The following EIF4B variants were observed in gnomAD, a reference collection of about 807,000 sequenced individuals.
EIF4B encodes eukaryotic translation initiation factor 4B.
In EIF4B, 8 loss-of-function variants were observed where a neutral mutation model predicts 79.3. The observed-to-expected ratio is 0.10, with a 90% confidence interval of 0.06 to 0.18. The LOEUF (loss-of-function observed/expected upper bound fraction) is 0.18. EIF4B is among the 10% of genes least tolerant of loss of function. The pLI is 1.00. For missense variants in EIF4B, 515 were observed against 792.4 expected (o/e 0.65, Z 4.20); for synonymous variants, 238 against 274.7 (o/e 0.87, Z 1.32).
chr12:53,007,604 A>G (rs1942990852), intron 1 of EIF4B, among the ~76,000 whole-genome samples: 1 of 152,098 alleles, frequency 6.6e-6, no homozygotes, highest in Admixed American at 6.6e-5. Flanking sequence ...ATGACCCAAC[A>G]TCTTGTAGCA....
intron 11 of EIF4B, 124 bp from the exon 12 acceptor site, chr12:53,038,232 C>T (rs1943570734): frequency 1.4e-6 from 1 of 731,510 alleles, no homozygotes; most frequent in Non-Finnish European, 2.1e-6. Flanking sequence ...TTTAATGTTC[C>T]ATAACATTGA....
At chr12:53,039,782 A>C in intron 14 of EIF4B, 80 bp downstream of exon 14, 1 of 1,473,996 alleles carries the variant, frequency 6.8e-7, no homozygotes, top group Non-Finnish European at 9.1e-7. Flanking sequence ...AAGAATTAAA[A>C]ATTCTTAGTA....
intron 11 of EIF4B, 43 bp from the exon 12 acceptor site, chr12:53,038,313 C>A (rs1359490692): frequency 6.5e-7 from 1 of 1,536,072 alleles, no homozygotes; most frequent in Non-Finnish European, 8.8e-7. Flanking sequence ...GTTGTTTTCT[C>A]CCTGAAACAA....
intron 8 of EIF4B, among the ~76,000 whole-genome samples, chr12:53,030,067 C>T (rs200062924): frequency 0.073 from 810 of 11,104 alleles, 12 homozygotes; most frequent in Admixed American, 0.13. Context: ...GCAAAAAATA[C>T]AAAAGTTAGC....
At chr12:53,007,444 T>TA (rs1565752908) in intron 1 of EIF4B, among the ~76,000 whole-genome samples, 1 of 112,986 alleles carries the variant, frequency 8.9e-6, no homozygotes, top group Non-Finnish European at 2.2e-5. Flanking sequence ...TTTTTTTTTT[T>TA]TTTTAAGGTA....
chr12:53,031,864 T>C (rs1453216059), intron 8 of EIF4B, among the ~76,000 whole-genome samples: 1 of 152,232 alleles, frequency 6.6e-6, no homozygotes, highest in Non-Finnish European at 1.5e-5. Flanking sequence ...CAGGAGGTTT[T>C]ACCTCTTTGT....
intron 1 of EIF4B, among the ~76,000 whole-genome samples, chr12:53,010,590 A>G (rs577749042): frequency 2.6e-5 from 4 of 152,166 alleles, no homozygotes; most frequent in African/African-American, 9.6e-5. Context: ...TGTTTATGCA[A>G]TGTTGTTGGT....
intron 11 of EIF4B, 131 bp from the exon 12 acceptor site, chr12:53,038,225 A>T: frequency 1.5e-6 from 1 of 679,854 alleles, no homozygotes; most frequent in Non-Finnish European, 2.3e-6. Context: ...CCCATATTTT[A>T]ATGTTCCATA....
chr12:53,028,611 G>A (rs966787665), intron 8 of EIF4B, among the ~76,000 whole-genome samples: 10 of 150,968 alleles, frequency 6.6e-5, no homozygotes, highest in Admixed American at 1.3e-4. Flanking sequence ...CACAGCAGTC[G>A]AATTGTTTTC....
rs1307268749 is a variant in EIF4B at position 53,038,376 on chromosome 12, C to A, written c.1541C>A (p.Pro514Gln). The stretch of plus-strand genomic sequence containing the variant: ...TCTAGTGGTGGGGGAAAAGTAGCTC[C>A]AGCTCAACCATCTGAGGAAGGACCA... ...SPTSGGGKVA[P>Q]AQPSEEGPGR... is the part of the protein sequence containing the mutation. The change falls in exon 12 of 15, where the codon CCA becomes CAA. Residue 514 changes from proline (P) to glutamine (Q), a missense_variant. By Grantham distance (76) the Pro-to-Gln change is moderately conservative (BLOSUM62 -1). Transcript: ENST00000262056. 19 of 1,600,444 alleles carry A rather than the reference C, an allele frequency of 1.2e-5. No individual in the cohort carries two copies. The highest frequency in any genetic ancestry group is 1.5e-5 in the Non-Finnish European group (18 of 1,173,018).
At chr12:53,020,090 A>G in intron 4 of EIF4B, 64 bp downstream of exon 4, 3 of 1,390,586 alleles carry the variant, frequency 2.2e-6, no homozygotes, top group Non-Finnish European at 2.0e-6. Context: ...TTATTGATCA[A>G]ACTGGTATTT....
At chr12:53,012,749 G>A (rs1943086856) in intron 1 of EIF4B, among the ~76,000 whole-genome samples, 1 of 151,774 alleles carries the variant, frequency 6.6e-6, no homozygotes, top group South Asian at 2.1e-4. Context: ...AGGACCACAG[G>A]TGCCCGCCAC....
intron 6 of EIF4B, among the ~76,000 whole-genome samples, chr12:53,027,137 A>ATTATTATTATTATTATTATTTTTTTTTT (rs1943349413): frequency 1.6e-4 from 4 of 25,744 alleles, no homozygotes; most frequent in African/African-American, 3.3e-4. Flanking sequence ...AAAAAAAAAA[A>ATTATTATTATTATTATTATTTTTTTTTT]TTTTTTTTTT....
intron 6 of EIF4B, among the ~76,000 whole-genome samples, chr12:53,026,108 AAG>A (rs1943329804): frequency 6.6e-6 from 1 of 152,230 alleles, no homozygotes; most frequent in African/African-American, 2.4e-5. Context: ...TCAAAAAAAA[AAG>A]AGAAAGAAAA....
intron 12 of EIF4B, chr12:53,039,025 G>A (rs1019258613): frequency 2.1e-6 from 1 of 467,656 alleles, no homozygotes; most frequent in Non-Finnish European, 3.8e-6. Context: ...ATCCCTACAT[G>A]GAACTTTTTA....
intron 2 of EIF4B, among the ~76,000 whole-genome samples, chr12:53,018,189 C>T (rs1055965880): frequency 2.1e-4 from 32 of 152,292 alleles, no homozygotes; most frequent in African/African-American, 7.0e-4. Flanking sequence ...CAGGGTTTCA[C>T]CATAATGGTC....
chr12:53,018,029 G>A (rs1283611653), intron 2 of EIF4B, among the ~76,000 whole-genome samples: 2 of 152,262 alleles, frequency 1.3e-5, no homozygotes, highest in African/African-American at 2.4e-5. Flanking sequence ...TCACTCTGTC[G>A]CCCAGGTTGT....
At chr12:53,015,978 CAAAA>C (rs11315385) in intron 1 of EIF4B, among the ~76,000 whole-genome samples, 9 of 124,396 alleles carry the variant, frequency 7.2e-5, no homozygotes, top group Admixed American at 1.6e-4. Context: ...GACTCTGTCT[CAAAA>C]AAAAAAAAAA....
At chr12:53,023,858 C>T (rs1333232871) in intron 6 of EIF4B, among the ~76,000 whole-genome samples, 2 of 152,262 alleles carry the variant, frequency 1.3e-5, no homozygotes, top group South Asian at 4.1e-4. Flanking sequence ...GCTGGGATTA[C>T]AGGCATGAGC....
Sources: gnomAD v4.1 joint callset for allele counts (sites outside exome capture counted in the v4.1 genomes callset) on GRCh38, gnomAD v4.1.1 for gene constraint, MANE v1.5 for transcripts, NCBI Gene and HGNC (gene_info 2026-07-23, HGNC 2026-07-21) for gene names.